LIMCH1: variants seen among roughly 807,000 people sequenced by gnomAD.
LIMCH1 encodes LIM and calponin homology domains 1, also known as LIM and calponin homology domains-containing protein 1.
Under a neutral mutation model 176.5 loss-of-function variants are expected in LIMCH1, and 113 were observed. The observed-to-expected ratio is 0.64, with a 90% CI of 0.55 to 0.75. LIMCH1 has a LOEUF of 0.75. LIMCH1 is among the 30% of genes least tolerant of loss of function. The probability of loss-of-function intolerance (pLI) is 0.00; values close to 1 mark genes in which losing one functional copy is unlikely to be tolerated. For missense variants in LIMCH1, 1,674 were observed against 1,814.9 expected (o/e 0.92, Z 1.41); for synonymous variants, 619 against 645.9 (o/e 0.96, Z 0.63).
chr4:41,500,859 G>A (rs2073140312), intron 2 of LIMCH1, among the ~76,000 whole-genome samples: 1 of 152,190 alleles, frequency 6.6e-6, no homozygotes. Context: ...TGAAAGGTTA[G>A]GAGGCTGGGG....
chr4:41,388,564 A>G lies in LIMCH1; in HGVS notation c.96+27628A>G, dbSNP rs1044898365. On this transcript the variant is annotated intron_variant, in intron 1 of 26. Coordinates refer to the LIMCH1 transcript ENST00000313860. ...ACGCATTTGTAGTGATGGTTGCACA[A>G]TTCTATAAATTCACTAAAACTTATG... Among the ~76,000 whole-genome samples, 4 of 152,238 alleles carry G rather than the reference A, an allele frequency of 2.6e-5. 1 individual carries two copies. The highest frequency in any genetic ancestry group is 9.6e-5 in the African/African-American group (4 of 41,466).
chr4:41,656,372 T>A (rs2094463851), intron 18 of LIMCH1, among the ~76,000 whole-genome samples: 1 of 152,220 alleles, frequency 6.6e-6, no homozygotes. Flanking sequence ...TAGAAGTAGT[T>A]GTAAGATTGC....
At chr4:41,569,086 T>A (rs1368381132) in intron 1 of LIMCH1, among the ~76,000 whole-genome samples, 1 of 152,210 alleles carries the variant, frequency 6.6e-6, no homozygotes, top group Non-Finnish European at 1.5e-5. Context: ...ACTGTGTAAA[T>A]GCCTACACCC....
chr4:41,450,657 T>C (rs897643482), intron 1 of LIMCH1, among the ~76,000 whole-genome samples: 2 of 151,822 alleles, frequency 1.3e-5, no homozygotes, highest in Non-Finnish European at 2.9e-5. Context: ...TAGCTGGGCA[T>C]GGTGGCGAGC....
In LIMCH1 at chr4:41,490,277, CTT is replaced by C. The variant is rs750458277; in HGVS notation, c.97-4244_97-4243del. Among the ~76,000 whole-genome samples, 27 of 134,148 alleles carry C rather than the reference CTT, an allele frequency of 2.0e-4. 1 individual carries two copies. Among genetic ancestry groups the C allele is most frequent in the Middle Eastern group, 3.8e-3 (1 of 262 alleles). 88.0% of individuals were successfully genotyped at this position (134,148 alleles called of 152,430 possible). ...TTTTTTTTTCTTTCTTTCTCCCTTT[CTT>C]TTTTTTTTTTTTTTAATTTATTGAT... On this transcript the variant is annotated intron_variant, in intron 1 of 26. Coordinates refer to the LIMCH1 transcript ENST00000313860.
rs148143383 is a variant in LIMCH1, at chr4:41,690,580, C to T, written c.4275+945C>T. Among the ~76,000 whole-genome samples the T allele has an allele frequency of 1.6e-3, 251 of 152,230 alleles. 1 individual carries two copies. Among genetic ancestry groups the T allele is most frequent in the Non-Finnish European group, 2.4e-3 (163 of 68,020 alleles). On this transcript the variant is annotated intron_variant, in intron 30 of 31. Transcript: ENST00000503057. ...GCATAATCCTAACATACTTTCTTTT[C>T]CCTTCTTGGATTTTCTTTTATTTCT...
Position 41,492,047 on chromosome 4 carries a change from C to T in LIMCH1, c.97-2489C>T, listed in dbSNP as rs1211340116. 5.3e-5 allele frequency among the ~76,000 whole-genome samples: 8 copies of T among 152,318 alleles called. No individual in the cohort carries two copies. In the South Asian group the frequency reaches 8.3e-4, roughly 16 times the overall value. ...ATCTTAGCACTTTGGGAGGCCAAGGCAGGCGGCTGGGAGGTGGAGGTTGTA... is the reference window on the plus strand; with the variant it reads ...ATCTTAGCACTTTGGGAGGCCAAGGTAGGCGGCTGGGAGGTGGAGGTTGTA... On this transcript the variant is annotated intron_variant, in intron 1 of 26. Transcript: ENST00000313860.
intron 10 of LIMCH1, among the ~76,000 whole-genome samples, chr4:41,632,088 T>A (rs1230632452): frequency 6.6e-6 from 1 of 152,148 alleles, no homozygotes; most frequent in Admixed American, 6.5e-5. Context: ...CTGTCTCAGT[T>A]CTCATCCTCC....
At chr4:41,687,813 AT>A in intron 28 of LIMCH1, 26 bp from the exon 29 acceptor site, 3 of 1,499,600 alleles carry the variant, frequency 2.0e-6, no homozygotes, top group South Asian at 1.2e-5. Context: ...GCTTGTCATA[AT>A]TTTTGACTCC....
chr4:41,526,303 C>T (rs1273377283), intron 3 of LIMCH1, among the ~76,000 whole-genome samples: 9 of 148,306 alleles, frequency 6.1e-5, no homozygotes, highest in Admixed American at 4.0e-4. Context: ...ACCTCCCCTG[C>T]TTACCGTCAC....
intron 7 of LIMCH1, among the ~76,000 whole-genome samples, chr4:41,624,675 A>G (rs1160244585): frequency 1.3e-5 from 2 of 151,898 alleles, no homozygotes; most frequent in Non-Finnish European, 1.5e-5. Context: ...TTTTCTGGAG[A>G]GCAGAGTTTC....
In LIMCH1 at chr4:41,602,124, C is replaced by CAA. The variant is rs540240960; in HGVS notation, c.-133-1725_-133-1724dup. On this transcript the variant is annotated intron_variant, in intron 2 of 31. Transcript: ENST00000503057. ...TCTTTTAGAAGAAACTTGAGTAGAC[C>CAA]AAAAAAAAAAAAAAAAAAAAAAAAA... Among the ~76,000 whole-genome samples, 197 of 73,252 alleles carry CAA rather than the reference C, an allele frequency of 2.7e-3. 5 individuals carry two copies. Among genetic ancestry groups the CAA allele is most frequent in the Middle Eastern group, 7.2e-3 (1 of 138 alleles). 48.1% of individuals were successfully genotyped at this position (73,252 alleles called of 152,430 possible).
intron 1 of LIMCH1, among the ~76,000 whole-genome samples, chr4:41,577,342 T>G (rs2084659968): frequency 6.6e-6 from 1 of 152,140 alleles, no homozygotes; most frequent in African/African-American, 2.4e-5. Flanking sequence ...GAGGAAAAAT[T>G]ATATATCTAT....
At chr4:41,605,638 A>T (rs896541746) in intron 3 of LIMCH1, among the ~76,000 whole-genome samples, 2 of 152,206 alleles carry the variant, frequency 1.3e-5, no homozygotes, top group African/African-American at 4.8e-5. Context: ...CTTAGAGATC[A>T]TTTCCTCACT....
chr4:41,452,476 T>C (rs2064008115), intron 1 of LIMCH1, among the ~76,000 whole-genome samples: 1 of 152,182 alleles, frequency 6.6e-6, no homozygotes, highest in African/African-American at 2.4e-5. Flanking sequence ...CTTCTACCAG[T>C]GCTATATTTC....
intron 11 of LIMCH1, 39 bp from the exon 12 acceptor site, chr4:41,632,938 A>G: frequency 1.3e-6 from 2 of 1,531,314 alleles, no homozygotes; most frequent in South Asian, 1.2e-5. Flanking sequence ...TCTGGTGTGA[A>G]TTCTTTCCTA....
intron 27 of LIMCH1, 25 bp downstream of exon 27, chr4:41,684,543 A>G (rs1419340465): frequency 1.2e-6 from 2 of 1,610,372 alleles, no homozygotes; most frequent in African/African-American, 2.7e-5. Flanking sequence ...GACCAGTTTC[A>G]TTCAATGTTT....
intron 30 of LIMCH1, among the ~76,000 whole-genome samples, chr4:41,691,592 C>CAAAAAAAAAAA (rs796984431): frequency 9.6e-5 from 6 of 62,358 alleles, no homozygotes; most frequent in African/African-American, 1.5e-4. Context: ...ACTAAAAATA[C>CAAAAAAAAAAA]AAAAAAAAAA....
chr4:41,458,283 A>G (rs2064861376), intron 1 of LIMCH1, among the ~76,000 whole-genome samples: 1 of 152,184 alleles, frequency 6.6e-6, no homozygotes, highest in African/African-American at 2.4e-5. Context: ...GCTACTACAA[A>G]ATGATTAAAA....
Sources: allele counts gnomAD v4.1 joint callset (sites outside exome capture counted in the v4.1 genomes callset), GRCh38; gene constraint gnomAD v4.1.1; transcripts MANE v1.5; gene names NCBI Gene and HGNC (gene_info 2026-07-23, HGNC 2026-07-21).